The following SUPT6H variants were observed in gnomAD, a reference collection of about 807,000 sequenced individuals.
SUPT6H encodes the protein SPT6 homolog, histone chaperone and transcription elongation factor, also known as transcription elongation factor SPT6.
A neutral mutation model predicts 222.3 loss-of-function variants in SUPT6H; 11 were observed. The ratio of observed to expected loss-of-function variants is 0.05; its 90% confidence interval spans 0.03 to 0.08. The LOEUF (loss-of-function observed/expected upper bound fraction) is 0.08, where lower values mean the gene tolerates loss of function less well. Among genes scored for constraint, SUPT6H ranks in the 10% least tolerant of loss-of-function variants. The pLI, the probability that SUPT6H is intolerant of heterozygous loss-of-function variation, is 1.00. For missense variants in SUPT6H, 1,422 were observed against 2,216.0 expected (o/e 0.64, Z 7.19); for synonymous variants, 762 against 801.2 (o/e 0.95, Z 0.83).
At chr17:28,674,845 G>T in intron 4 of SUPT6H, 125 bp from the exon 5 acceptor site, 1 of 1,217,566 alleles carries the variant, frequency 8.2e-7, no homozygotes, top group African/African-American at 1.5e-5. Flanking sequence ...GCATCACTCG[G>T]CATGTTCTTT....
At chr17:28,676,078 A>C in intron 6 of SUPT6H, 79 bp from the exon 7 acceptor site, 1 of 1,473,784 alleles carries the variant, frequency 6.8e-7, no homozygotes, top group Non-Finnish European at 9.1e-7. Context: ...CCTTGGGACA[A>C]GTAAAGGATC....
intron 11 of SUPT6H, among the ~76,000 whole-genome samples, chr17:28,679,780 A>G (rs960497995): frequency 6.6e-6 from 1 of 151,614 alleles, no homozygotes; most frequent in African/African-American, 2.4e-5. Context: ...TCATGAGGTC[A>G]GGAGTTCGAG....
chr17:28,692,103 C>T (rs1382242169), intron 27 of SUPT6H, among the ~76,000 whole-genome samples: 3 of 150,632 alleles, frequency 2.0e-5, no homozygotes, highest in Non-Finnish European at 4.4e-5. Context: ...GCGGGCGGAT[C>T]ATGAGGTCAG....
rs1415363892 is a variant in SUPT6H, at chr17:28,688,271, T to G, written c.3134+53T>G. Reference sequence around the variant, plus strand: ...GAGGAATTCCCTTGTGGGCTTTGTTTTCGGGTTTCAGGGGTTAGGGCTATC... The same window carrying G: ...GAGGAATTCCCTTGTGGGCTTTGTTGTCGGGTTTCAGGGGTTAGGGCTATC... On this transcript the variant is annotated intron_variant, in intron 24 of 36. Coordinates refer to ENST00000314616, the MANE Select transcript of SUPT6H (RefSeq NM_003170.5). This position sits in a 1 kb window ranked among gnomAD's most constrained non-coding sequence, Gnocchi z 4.3. The G allele has an allele frequency of 6.3e-7, 1 of 1,585,964 alleles. No homozygotes were observed. Among genetic ancestry groups the G allele is most frequent in the African/African-American group, 1.4e-5 (1 of 73,860 alleles).
At chr17:28,662,670 T>G (rs1291441284) in intron 1 of SUPT6H, among the ~76,000 whole-genome samples, 2 of 152,190 alleles carry the variant, frequency 1.3e-5, no homozygotes, top group African/African-American at 4.8e-5. Flanking sequence ...ACCTGGGGCT[T>G]CTGAGCCAGG....
intron 20 of SUPT6H, 63 bp from the exon 21 acceptor site, chr17:28,686,591 G>A: frequency 6.5e-7 from 1 of 1,549,034 alleles, no homozygotes; most frequent in Non-Finnish European, 8.7e-7. Context: ...TCACCCCCAA[G>A]GCAGTCATGA....
intron 17 of SUPT6H, 78 bp from the exon 18 acceptor site, chr17:28,684,508 G>C: frequency 6.4e-7 from 1 of 1,569,184 alleles, no homozygotes; most frequent in Admixed American, 1.7e-5. Flanking sequence ...GTATGAGTGT[G>C]TTTCCATAGC....
chr17:28,679,439 C>T (rs1212395298), intron 11 of SUPT6H, among the ~76,000 whole-genome samples: 2 of 152,086 alleles, frequency 1.3e-5, no homozygotes, highest in African/African-American at 4.8e-5. Flanking sequence ...GTCCCAGTTA[C>T]TTGGGAGGAT....
At chr17:28,682,697 C>T (rs1349783637) in intron 13 of SUPT6H, 30 bp from the exon 14 acceptor site, 3 of 1,611,838 alleles carry the variant, frequency 1.9e-6, no homozygotes, top group Admixed American at 1.7e-5. Flanking sequence ...CTATCTGCTG[C>T]CTTACCCTTC....
intron 35 of SUPT6H, 116 bp from the exon 36 acceptor site, chr17:28,700,825 C>A: frequency 7.8e-7 from 1 of 1,276,178 alleles, no homozygotes; most frequent in Non-Finnish European, 1.1e-6. Flanking sequence ...AGCACATACT[C>A]AGTGGAAGAT....
intron 17 of SUPT6H, among the ~76,000 whole-genome samples, chr17:28,684,359 C>T (rs1201166895): frequency 6.6e-6 from 1 of 152,230 alleles, no homozygotes; most frequent in Non-Finnish European, 1.5e-5. Context: ...CCCAGCCCCA[C>T]TCATCCAAAC....
rs1037449278 is a variant in SUPT6H, at chr17:28,686,751, G to A, written c.2662G>A (p.Glu888Lys). The stretch of plus-strand genomic sequence containing the variant: ...TATTGGGGTAGAGCTGGTTGACAAC[G>A]AGTTGGCCATTCTCTATATGAACAG... ...SSIGVELVDN[E>K]LAILYMNSKK... is the part of the protein sequence containing the mutation. Residue 888 changes from glutamate to lysine, a missense_variant, in exon 21 of 37, where the codon GAG (glutamate) becomes AAG (lysine). Physicochemically the swap from Glu to Lys is moderately conservative, Grantham distance 56 (BLOSUM62 1). Around this residue, in one of 13 missense-constraint regions of SUPT6H, gnomAD observed 294 missense variants for 382.1 expected, o/e 0.77. Transcript: ENST00000314616. The A allele has an allele frequency of 1.9e-6, 3 of 1,612,644 alleles. No homozygotes were observed. Among genetic ancestry groups the A allele is most frequent in the African/African-American group, 1.3e-5 (1 of 74,840 alleles).
At position 28,678,206 on chromosome 17, in the gene SUPT6H, C is replaced by A; in HGVS notation, c.1116+14C>A. The A allele has an allele frequency of 1.3e-6, 2 of 1,588,818 alleles. No individual in the cohort carries two copies. The highest frequency in any genetic ancestry group is 1.7e-6 in the Non-Finnish European group (2 of 1,161,354). ...CAGCATTTTGAGGTAACACCTCAAG[C>A]TCTGGTGGCCCATTGGTGAGAAATT... On this transcript the variant is annotated intron_variant, in intron 9 of 36. Coordinates refer to ENST00000314616, the MANE Select transcript of SUPT6H (RefSeq NM_003170.5).
At chr17:28,701,380 A>G in intron 36 of SUPT6H, 59 bp from the exon 37 acceptor site, 2 of 1,579,900 alleles carry the variant, frequency 1.3e-6, no homozygotes, top group Non-Finnish European at 1.7e-6. Flanking sequence ...GGGTACAGTG[A>G]TTGGTGGGAA....
chr17:28,674,167 T>C, intron 2 of SUPT6H, 116 bp from the exon 3 acceptor site: 1 of 1,299,760 alleles, frequency 7.7e-7, no homozygotes, highest in South Asian at 1.4e-5. Flanking sequence ...GCAGAAGAGT[T>C]AACATGGCAC....
At chr17:28,679,234 G>A (rs747004811) in intron 11 of SUPT6H, among the ~76,000 whole-genome samples, 5 of 151,336 alleles carry the variant, frequency 3.3e-5, no homozygotes, top group Non-Finnish European at 2.9e-5. Flanking sequence ...TTAGCTGGGA[G>A]CAGTGGCACA....
chr17:28,693,868 C>CA (rs754563587), intron 28 of SUPT6H, 32 bp downstream of exon 28: 2 of 1,613,606 alleles, frequency 1.2e-6, no homozygotes, highest in South Asian at 2.2e-5. Context: ...GGTCGTAGTG[C>CA]AATTTTCAGC....
At chr17:28,674,759 A>G (rs2030637835) in intron 4 of SUPT6H, 146 bp downstream of exon 4, 3 of 905,212 alleles carry the variant, frequency 3.3e-6, no homozygotes, top group Non-Finnish European at 3.4e-6. Context: ...CGGAGCCTAG[A>G]TTTGCATCCC....
At chr17:28,686,891 C>A (rs906487856) in intron 21 of SUPT6H, 102 bp downstream of exon 21, 41 of 1,493,316 alleles carry the variant, frequency 2.7e-5, no homozygotes, top group Non-Finnish European at 3.1e-5. Flanking sequence ...CAGGACTGTA[C>A]CTGTGTACTT....
Sources: allele counts gnomAD v4.1 joint callset (sites outside exome capture counted in the v4.1 genomes callset), GRCh38; gene constraint gnomAD v4.1.1; regional missense constraint gnomAD v4.1.1; non-coding constraint Gnocchi (gnomAD v3.1); transcripts MANE v1.5; gene names NCBI Gene and HGNC (gene_info 2026-07-23, HGNC 2026-07-21).